Variants in ELMO2 observed in about 807,000 individuals in gnomAD.
ELMO2 encodes the protein engulfment and cell motility 2, also known as engulfment and cell motility protein 2.
In ELMO2, 37 loss-of-function variants were observed where a neutral mutation model predicts 96.2. That is an observed-to-expected ratio of 0.38 (90% confidence interval 0.30 to 0.51). The LOEUF (loss-of-function observed/expected upper bound fraction) is 0.51, where lower values mean the gene tolerates loss of function less well. Among genes scored for constraint, ELMO2 ranks in the 20% least tolerant of loss-of-function variants. ELMO2 has a pLI of 0.88. For missense variants in ELMO2, 561 were observed against 912.6 expected, an observed-to-expected ratio of 0.61 and a Z score of 4.96; for synonymous variants, 315 against 329.4, an observed-to-expected ratio of 0.96 and a Z score of 0.47.
intron 11 of ELMO2, chr20:46,376,754 C>T: frequency 7.8e-7 from 1 of 1,289,444 alleles, no homozygotes; most frequent in Non-Finnish European, 1.0e-6. Context: ...TGAGGCTCTC[C>T]TCCATTTTCC....
chr20:46,383,528 T>G (rs777412057), intron 9 of ELMO2, 34 bp from the exon 10 acceptor site: 10 of 1,548,768 alleles, frequency 6.5e-6, no homozygotes, highest in Admixed American at 1.7e-5. Flanking sequence ...AGAGGGAGAT[T>G]AGAAGACTGA....
intron 10 of ELMO2, among the ~76,000 whole-genome samples, chr20:46,381,355 A>G (rs1004492768): frequency 8.5e-5 from 13 of 152,290 alleles, no homozygotes; most frequent in African/African-American, 2.9e-4. Flanking sequence ...AGAATCCTAA[A>G]TCAGTGGGCC....
At position 46,373,382 on chromosome 20, in the gene ELMO2, A is replaced by G. The variant is rs1438179070; in HGVS notation, c.1416+17T>C. The G allele has an allele frequency of 1.9e-6, 3 of 1,614,006 alleles. No homozygotes were observed. The Admixed American group carries it at 5.0e-5, about 27-fold the overall frequency. ...GGTCTCCTCCCGTGGGCCTCAGAGC[A>G]GCCCGGAGACACTGACCTTGTTGAA... On this transcript the variant is annotated intron_variant, in intron 16 of 21. Transcript: ENST00000290246.
In ELMO2 at chr20:46,383,401, A is replaced by C; in HGVS notation, c.756+15T>G. 6.2e-7 allele frequency: 1 copy of C among 1,613,168 alleles called. No homozygotes were observed. Among genetic ancestry groups the C allele is most frequent in the Non-Finnish European group, 8.5e-7 (1 of 1,179,100 alleles). On this transcript the variant is annotated intron_variant, in intron 10 of 21. Transcript: ENST00000290246. Reference sequence around the variant, plus strand: ...GAAGAGCCCAGATGAAAAATGTGAAAAGGCAGCCACAGACCTGTCGTTTGT... The same window carrying C: ...GAAGAGCCCAGATGAAAAATGTGAACAGGCAGCCACAGACCTGTCGTTTGT...
chr20:46,383,528 T>A, intron 9 of ELMO2, 34 bp from the exon 10 acceptor site: 1 of 1,548,898 alleles, frequency 6.5e-7, no homozygotes, highest in Non-Finnish European at 8.9e-7. Flanking sequence ...AGAGGGAGAT[T>A]AGAAGACTGA....
chr20:46,399,464 A>G (rs1307645684), intron 1 of ELMO2, among the ~76,000 whole-genome samples: 4 of 152,204 alleles, frequency 2.6e-5, no homozygotes, highest in Non-Finnish European at 5.9e-5. Context: ...ATCAGAGCCT[A>G]GTTCGGATGT....
rs748101681 is a variant in ELMO2 at position 46,367,514 on chromosome 20, A to G, written c.2009T>C (p.Met670Thr). 1.2e-6 allele frequency: 2 copies of G among 1,613,478 alleles called. No homozygotes were observed. Among genetic ancestry groups the G allele is most frequent in the Non-Finnish European group, 1.7e-6 (2 of 1,179,770 alleles). ...GTCACTCTTGGTCAGCTCACTGGAC[A>G]TGTCCTTCCCCAGAAGGGCACTGAG... ...DGLSALLGKD[M>T]SSELTKSDLD... Residue 670 changes from methionine (M) to threonine (T), a missense_variant, in exon 22 of 22, where the codon ATG (methionine) becomes ACG (threonine). Coordinates refer to ENST00000290246, the MANE Select transcript of ELMO2 (RefSeq NM_133171.5).
At position 46,389,051 on chromosome 20, in the gene ELMO2, T is replaced by G; in HGVS notation, c.413A>C (p.Lys138Thr). The G allele has an allele frequency of 6.2e-7, 1 of 1,613,876 alleles. No homozygotes were observed. Among genetic ancestry groups the G allele is most frequent in the African/African-American group, 1.3e-5 (1 of 75,044 alleles). Reference protein sequence around the residue: ...VLTRLVESGTKLLSHYSEMLA... With the variant: ...VLTRLVESGTTLLSHYSEMLA... Reference sequence around the variant, plus strand: ...TAGTCATACTCACTGGGACAAGAGCTTGGTTCCACTTTCCACGAGCCTTGT... The same window carrying G: ...TAGTCATACTCACTGGGACAAGAGCGTGGTTCCACTTTCCACGAGCCTTGT... The change falls in exon 7 of 22, where the codon AAG becomes ACG. Residue 138 changes from lysine (K) to threonine (T), a missense_variant. Coordinates refer to ENST00000290246, the MANE Select transcript of ELMO2 (RefSeq NM_133171.5).
chr20:46,393,554 C>A lies in ELMO2; in HGVS notation c.167G>T (p.Gly56Val). 1 of 1,614,166 alleles carries A rather than the reference C, an allele frequency of 6.2e-7. No individual in the cohort carries two copies. Among genetic ancestry groups the A allele is most frequent in the Non-Finnish European group, 8.5e-7 (1 of 1,180,040 alleles). ...CTGTTCGGTGATGTACAGCTGAGGACCATCTGCATAACGGAGGGTATAATA... is the reference window on the plus strand; with the variant it reads ...CTGTTCGGTGATGTACAGCTGAGGAACATCTGCATAACGGAGGGTATAATA... ...PEYYTLRYAD[G>V]PQLYITEQTR... The change falls in exon 5 of 22, where the codon GGT (glycine) becomes GTT (valine). Residue 56 changes from glycine (G) to valine (V), a missense_variant. Transcript: ENST00000290246.
intron 15 of ELMO2, among the ~76,000 whole-genome samples, 191 bp downstream of exon 15, chr20:46,374,141 T>TA (rs1390774682): frequency 7.3e-6 from 1 of 136,882 alleles, no homozygotes; most frequent in African/African-American, 2.7e-5. Context: ...GGGGTCTCAC[T>TA]ATGTTGCCCA....
At chr20:46,398,840 A>T (rs941425913) in intron 1 of ELMO2, 69 bp from the exon 2 acceptor site, 2 of 152,230 alleles carry the variant, frequency 1.3e-5, no homozygotes, top group African/African-American at 4.8e-5. Context: ...AACCCAACAC[A>T]TCAGAACTGG....
intron 9 of ELMO2, among the ~76,000 whole-genome samples, chr20:46,385,362 T>C (rs929647222): frequency 2.0e-5 from 3 of 152,206 alleles, no homozygotes; most frequent in Non-Finnish European, 2.9e-5. Context: ...TAAAATGTTT[T>C]AGGATGTGAT....
In ELMO2 at chr20:46,397,693, A is replaced by G. The variant is rs114501063; in HGVS notation, c.-51+1004T>C. On this transcript the variant is annotated intron_variant, in intron 2 of 21. Coordinates refer to ENST00000290246, the MANE Select transcript of ELMO2 (RefSeq NM_133171.5). ...CATAAATAAATACACACATACATAC[A>G]TACAAACAAATAAAAGACACAGACT... Among the ~76,000 whole-genome samples, 800 of 152,266 alleles carry G rather than the reference A, an allele frequency of 5.3e-3. 6 individuals carry two copies. Among genetic ancestry groups the G allele is most frequent in the African/African-American group, 0.018 (759 of 41,550 alleles).
intron 1 of ELMO2, among the ~76,000 whole-genome samples, chr20:46,401,247 T>G (rs557747143): frequency 4.2e-4 from 64 of 152,280 alleles, no homozygotes; most frequent in Non-Finnish European, 7.4e-4. Context: ...TTCAGTCCAC[T>G]GAATGACGAT....
intron 2 of ELMO2, among the ~76,000 whole-genome samples, chr20:46,398,063 C>G (rs1250447172): frequency 2.0e-5 from 3 of 152,106 alleles, no homozygotes; most frequent in Admixed American, 2.0e-4. Context: ...CGCCTAAGAC[C>G]ACAGCTGCCC....
intron 6 of ELMO2, among the ~76,000 whole-genome samples, chr20:46,389,586 C>T (rs1387889423): frequency 6.6e-6 from 1 of 152,158 alleles, no homozygotes; most frequent in Admixed American, 6.5e-5. Flanking sequence ...GTGCGTGGCT[C>T]ATGCATGTAA....
intron 7 of ELMO2, chr20:46,387,819 G>A: frequency 6.0e-6 from 1 of 166,714 alleles, no homozygotes; most frequent in South Asian, 1.7e-4. Flanking sequence ...TTTGGGCCAA[G>A]AGGCAGTAGA....
chr20:46,405,115 G>A (rs1183687837), intron 1 of ELMO2, among the ~76,000 whole-genome samples: 1 of 152,170 alleles, frequency 6.6e-6, no homozygotes, highest in Non-Finnish European at 1.5e-5. Context: ...AAGCAAAACC[G>A]ACACTATCTT....
chr20:46,392,664 C>T (rs1160205179), intron 6 of ELMO2, among the ~76,000 whole-genome samples: 1 of 152,258 alleles, frequency 6.6e-6, no homozygotes, highest in Non-Finnish European at 1.5e-5. Flanking sequence ...AGCACTCCTG[C>T]TTTTCCCAAA....
Sources: allele counts gnomAD v4.1 joint callset (sites outside exome capture counted in the v4.1 genomes callset), GRCh38; gene constraint gnomAD v4.1.1; transcripts MANE v1.5; gene names NCBI Gene and HGNC (gene_info 2026-07-23, HGNC 2026-07-21).